Variants in AHRR observed in about 807,000 individuals in gnomAD.
The protein encoded by AHRR is aryl hydrocarbon receptor repressor, also known as ahR repressor.
AHRR carries 28 observed loss-of-function variants against 44.0 expected under a neutral mutation model. The observed-to-expected ratio is 0.64, with a 90% confidence interval of 0.47 to 0.87. AHRR has a LOEUF of 0.87. Ranked by LOEUF, AHRR falls within the 40% of genes least tolerant of loss-of-function variation. AHRR has a pLI of 0.00. For missense variants in AHRR, 990 were observed against 953.9 expected, an observed-to-expected ratio of 1.04 and a Z score of -0.50; for synonymous variants, 434 against 407.0, an observed-to-expected ratio of 1.07 and a Z score of -0.80.
chr5:391,376 GC>G (rs1734429877), intron 4 of AHRR, among the ~76,000 whole-genome samples: 1 of 98,178 alleles, frequency 1.0e-5, no homozygotes, highest in Non-Finnish European at 1.9e-5. Context: ...GCGTGCATGG[GC>G]GCAGGGCGAG....
chr5:398,979 C>T (rs1259777466), intron 4 of AHRR, among the ~76,000 whole-genome samples: 1 of 152,274 alleles, frequency 6.6e-6, no homozygotes, highest in Non-Finnish European at 1.5e-5. Context: ...GAGGACCAAG[C>T]AGCCGCAGCT....
In AHRR at chr5:349,291, C is replaced by G. The variant is rs1742779903; in HGVS notation, c.63-4439C>G. Among the ~76,000 whole-genome samples the G allele has an allele frequency of 2.0e-5, 3 of 152,226 alleles. No homozygotes were observed. The South Asian group carries it at 6.2e-4, about 32-fold the overall frequency. ...TGACTTTCAAAAGACATTTGAAAAC[C>G]TTTTGGCTGGGCGCGGTGGCTCACG... On this transcript the variant is annotated intron_variant, in intron 2 of 10. Coordinates refer to ENST00000684583, the MANE Select transcript of AHRR (RefSeq NM_001377236.1).
chr5:395,149 A>G lies in AHRR; in HGVS notation c.352-18195A>G, dbSNP rs568209238. On this transcript the variant is annotated intron_variant, in intron 4 of 10. Transcript: ENST00000684583. The surrounding 1 kb of genome is among the most constrained non-coding windows in gnomAD (Gnocchi z 5.3). ...ATCTCCTCCACACCTAACCCCAGAT[A>G]GCCCAAGACTTCTGGGGTTCCCTCA... Among the ~76,000 whole-genome samples, 1 of 152,270 alleles carries G rather than the reference A, an allele frequency of 6.6e-6. No individual in the cohort carries two copies. The highest frequency in any genetic ancestry group is 2.4e-5 in the African/African-American group (1 of 41,548).
chr5:416,670 C>T (rs1468513423), intron 5 of AHRR, among the ~76,000 whole-genome samples: 1 of 152,224 alleles, frequency 6.6e-6, no homozygotes, highest in African/African-American at 2.4e-5. Context: ...TGGGATGCTT[C>T]CTTTACACGT....
intron 7 of AHRR, among the ~76,000 whole-genome samples, chr5:427,110 G>T (rs935721418): frequency 2.0e-5 from 3 of 152,136 alleles, no homozygotes; most frequent in Non-Finnish European, 4.4e-5. Context: ...TGGATGGATG[G>T]ATAGAAAGAT....
At chr5:347,757 C>T (rs1053540585) in intron 2 of AHRR, among the ~76,000 whole-genome samples, 1 of 152,208 alleles carries the variant, frequency 6.6e-6, no homozygotes, top group African/African-American at 2.4e-5. Context: ...GTCCTGGGAA[C>T]CCCTCTAGGG....
chr5:356,155 T>G (rs1743037244), intron 3 of AHRR, among the ~76,000 whole-genome samples: 1 of 152,222 alleles, frequency 6.6e-6, no homozygotes, highest in African/African-American at 2.4e-5. Context: ...TTTTCCACTC[T>G]TGGTGATTTT....
In AHRR at chr5:388,594, G is replaced by T. The variant is rs933882522; in HGVS notation, c.351+11878G>T. Among the ~76,000 whole-genome samples the T allele has an allele frequency of 3.4e-4, 52 of 152,268 alleles. No homozygotes were observed. The highest frequency in any genetic ancestry group is 1.2e-3 in the African/African-American group (51 of 41,550). ...TGGCCCTGAGCCGAGGCTGCTTCATGCCAGGCAGCCCTGAGGGGCCGAGCC... is the reference window on the plus strand; with the variant it reads ...TGGCCCTGAGCCGAGGCTGCTTCATTCCAGGCAGCCCTGAGGGGCCGAGCC... On this transcript the variant is annotated intron_variant, in intron 4 of 10. Coordinates refer to ENST00000684583, the MANE Select transcript of AHRR (RefSeq NM_001377236.1). The surrounding 1 kb of genome is among the most constrained non-coding windows in gnomAD (Gnocchi z 5.2).
intron 2 of AHRR, among the ~76,000 whole-genome samples, chr5:346,525 G>C (rs1472790324): frequency 1.3e-5 from 2 of 152,192 alleles, no homozygotes; most frequent in African/African-American, 4.8e-5. Context: ...TATTTAATGT[G>C]ACAAATACGT....
At chr5:421,779 G>A (rs1462520743) in intron 5 of AHRR, among the ~76,000 whole-genome samples, 1 of 152,172 alleles carries the variant, frequency 6.6e-6, no homozygotes, top group South Asian at 2.1e-4. Flanking sequence ...CATCTTGTTC[G>A]GGGAGCCCCG....
rs1265279995 is a variant in AHRR at position 411,558 on chromosome 5, C to A, written c.352-1786C>A. ...AGGGCAGTTTTCCAAAGAAGAAATA[C>A]AAGTTACCAGTGAATGCAGGAAATG... On this transcript the variant is annotated intron_variant, in intron 4 of 10. Transcript: ENST00000684583. The surrounding 1 kb of genome is among the most constrained non-coding windows in gnomAD (Gnocchi z 4.2). 2.0e-5 allele frequency among the ~76,000 whole-genome samples: 3 copies of A among 151,962 alleles called. No individual in the cohort carries two copies. The highest frequency in any genetic ancestry group is 7.2e-5 in the African/African-American group (3 of 41,382).
At chr5:397,790 ATCCACGTAGCCCCTGACCG>A (rs1734804332) in intron 4 of AHRR, among the ~76,000 whole-genome samples, 2 of 98,052 alleles carry the variant, frequency 2.0e-5, no homozygotes, top group Admixed American at 2.4e-4. Flanking sequence ...GCCCCTGACC[ATCCACGTAGCCCCTGACCG>A]TCCACGTAGC....
rs1400233685 is a variant in AHRR, at chr5:405,837, T to G, written c.352-7507T>G. ...TTTTCTTTTTGGATACTTTACTGAT[T>G]GAAAAATATGGCTTTGCAGCCTAGC... On this transcript the variant is annotated intron_variant, in intron 4 of 10. Transcript: ENST00000684583. This position sits in a 1 kb window ranked among gnomAD's most constrained non-coding sequence, Gnocchi z 4.5. Among the ~76,000 whole-genome samples, 5 of 152,194 alleles carry G rather than the reference T, an allele frequency of 3.3e-5. No individual in the cohort carries two copies. Among genetic ancestry groups the G allele is most frequent in the African/African-American group, 1.2e-4 (5 of 41,444 alleles).
At chr5:334,753 T>C (rs908007531) in intron 1 of AHRR, among the ~76,000 whole-genome samples, 4 of 152,160 alleles carry the variant, frequency 2.6e-5, no homozygotes, top group Non-Finnish European at 2.9e-5. Flanking sequence ...GATTGTCATA[T>C]TACCCTGCTT....
Position 434,836 on chromosome 5 carries a change from G to A in AHRR, c.*2G>A, listed in dbSNP as rs550595992. 5.8e-5 allele frequency: 89 copies of A among 1,540,826 alleles called. No individual in the cohort carries two copies. The South Asian group carries it at 6.5e-4, about 11-fold the overall frequency. The stretch of plus-strand genomic sequence containing the variant: ...TCGGGGTGCACATTCCTGCCATAGC[G>A]CAGTGACCACCATCCAAGCTCAGAT... On this transcript the variant is annotated 3_prime_UTR_variant, in exon 11 of 11. Coordinates refer to ENST00000684583, the MANE Select transcript of AHRR (RefSeq NM_001377236.1).
At chr5:361,532 C>T (rs887236554) in intron 3 of AHRR, among the ~76,000 whole-genome samples, 1 of 152,196 alleles carries the variant, frequency 6.6e-6, no homozygotes, top group African/African-American at 2.4e-5. Flanking sequence ...GCAGGGCTGT[C>T]TCTTCCTGGA....
chr5:366,066 C>A (rs529335246), intron 3 of AHRR, among the ~76,000 whole-genome samples: 4 of 151,978 alleles, frequency 2.6e-5, no homozygotes, highest in Non-Finnish European at 1.5e-5. Flanking sequence ...CTTCCCCCCC[C>A]ACCCCCTGCC....
At chr5:324,027 C>T (rs10070950) in intron 1 of AHRR, among the ~76,000 whole-genome samples, 5 of 63,268 alleles carry the variant, frequency 7.9e-5, no homozygotes, top group South Asian at 6.0e-4. Context: ...TTCTTTCTCT[C>T]TCTCTCTCTG....
chr5:335,294 C>A (rs1742081086), intron 1 of AHRR, among the ~76,000 whole-genome samples: 1 of 152,120 alleles, frequency 6.6e-6, no homozygotes, highest in Non-Finnish European at 1.5e-5. Context: ...TGGTGAGATG[C>A]ACTTTTGGGT....
Sources: allele counts gnomAD v4.1 joint callset (sites outside exome capture counted in the v4.1 genomes callset), GRCh38; gene constraint gnomAD v4.1.1; non-coding constraint Gnocchi (gnomAD v3.1); transcripts MANE v1.5; gene names NCBI Gene and HGNC (gene_info 2026-07-23, HGNC 2026-07-21).